The following PLCXD3 variants were observed in gnomAD, a reference collection of about 807,000 sequenced individuals.
The protein encoded by PLCXD3 is PI-PLC X domain-containing protein 3.
A neutral mutation model predicts 25.5 loss-of-function variants in PLCXD3; 19 were observed. The observed-to-expected ratio is 0.75, with a 90% CI of 0.52 to 1.09. The LOEUF (loss-of-function observed/expected upper bound fraction) is 1.09, where lower values mean the gene tolerates loss of function less well. PLCXD3 is among the 50% of genes least tolerant of loss of function. PLCXD3 has a pLI of 0.00. For synonymous variants in PLCXD3, 174 were observed against 137.6 expected (o/e 1.26, Z -1.85); for missense variants, 411 against 388.1 (o/e 1.06, Z -0.50).
At chr5:41,429,090 G>T (rs1183113799) in intron 1 of PLCXD3, among the ~76,000 whole-genome samples, 2 of 152,022 alleles carry the variant, frequency 1.3e-5, no homozygotes, top group East Asian at 3.9e-4. Context: ...CAAACTTTGG[G>T]AGTACTAAAC....
At chr5:41,316,368 T>C (rs950647661) in intron 2 of PLCXD3, among the ~76,000 whole-genome samples, 3 of 152,198 alleles carry the variant, frequency 2.0e-5, no homozygotes, top group Admixed American at 2.0e-4. Context: ...ATCCAGGTAC[T>C]ACATCTTGGG....
intron 2 of PLCXD3, among the ~76,000 whole-genome samples, chr5:41,349,674 A>C (rs1265768040): frequency 1.3e-5 from 2 of 152,240 alleles, no homozygotes; most frequent in Non-Finnish European, 2.9e-5. Context: ...TTTAAATAAC[A>C]CTTCAAAATC....
At position 41,335,952 on chromosome 5, in the gene PLCXD3, C is replaced by T. The variant is rs118053852; in HGVS notation, c.813-22182G>A. Among the ~76,000 whole-genome samples the T allele has an allele frequency of 8.4e-4, 128 of 152,174 alleles. 1 individual carries two copies. The highest frequency in any genetic ancestry group is 6.8e-3 in the East Asian group (35 of 5,162). The stretch of plus-strand genomic sequence containing the variant: ...CATTCCAATTCTAAAGGAAATGTTC[C>T]GTGGACTCTCACAAATTCATGAGGC... On this transcript the variant is annotated intron_variant, in intron 2 of 2. Transcript: ENST00000377801.
intron 2 of PLCXD3, among the ~76,000 whole-genome samples, chr5:41,352,820 G>T (rs999030796): frequency 2.0e-5 from 3 of 152,192 alleles, no homozygotes; most frequent in South Asian, 2.1e-4. Flanking sequence ...TTTTCTAGGA[G>T]AGTTCTAAAG....
chr5:41,395,611 TAAC>T (rs762604964), intron 1 of PLCXD3, among the ~76,000 whole-genome samples: 47 of 151,780 alleles, frequency 3.1e-4, no homozygotes, highest in Non-Finnish European at 1.2e-4. Flanking sequence ...AAATTAGAAA[TAAC>T]AAAGGAAACA....
chr5:41,501,277 C>G (rs963929840), intron 1 of PLCXD3, among the ~76,000 whole-genome samples: 1 of 151,858 alleles, frequency 6.6e-6, no homozygotes, highest in African/African-American at 2.4e-5. Context: ...GCTTCAGTAT[C>G]GTTCACAATC....
At chr5:41,325,282 A>C (rs547078111) in intron 2 of PLCXD3, among the ~76,000 whole-genome samples, 1 of 152,340 alleles carries the variant, frequency 6.6e-6, no homozygotes, top group South Asian at 2.1e-4. Flanking sequence ...AGTCAATATG[A>C]TACCAGAGAC....
At chr5:41,369,407 A>C (rs1185872554) in intron 2 of PLCXD3, among the ~76,000 whole-genome samples, 1 of 152,152 alleles carries the variant, frequency 6.6e-6, no homozygotes, top group Non-Finnish European at 1.5e-5. Context: ...ACCTGAATTA[A>C]ACTCTTGAAA....
intron 1 of PLCXD3, among the ~76,000 whole-genome samples, chr5:41,400,944 A>C (rs926605643): frequency 6.6e-6 from 1 of 152,060 alleles, no homozygotes; most frequent in Non-Finnish European, 1.5e-5. Flanking sequence ...GTATCAAAAC[A>C]TCTCATGTAC....
intron 1 of PLCXD3, among the ~76,000 whole-genome samples, chr5:41,425,319 T>G (rs1746930196): frequency 6.6e-6 from 1 of 152,040 alleles, no homozygotes; most frequent in South Asian, 2.1e-4. Flanking sequence ...CTTTCTGGAA[T>G]AGACTTTCAG....
At chr5:41,506,709 CAG>C (rs1460186372) in intron 1 of PLCXD3, among the ~76,000 whole-genome samples, 2 of 152,172 alleles carry the variant, frequency 1.3e-5, no homozygotes, top group Non-Finnish European at 2.9e-5. Flanking sequence ...AACAGAGACT[CAG>C]AGCTGTTTAA....
intron 2 of PLCXD3, among the ~76,000 whole-genome samples, chr5:41,355,516 C>G (rs566574004): frequency 2.0e-5 from 3 of 152,172 alleles, no homozygotes; most frequent in Non-Finnish European, 2.9e-5. Flanking sequence ...ACTCAGTCAG[C>G]CATCAGTTGT....
chr5:41,373,683 C>CTCTTCT (rs150957264), intron 2 of PLCXD3, among the ~76,000 whole-genome samples: 1 of 151,840 alleles, frequency 6.6e-6, no homozygotes, highest in African/African-American at 2.4e-5. Flanking sequence ...CCCCCTTTTC[C>CTCTTCT]TCTTCTTCTT....
At chr5:41,471,716 C>A (rs1228324449) in intron 1 of PLCXD3, among the ~76,000 whole-genome samples, 1 of 151,992 alleles carries the variant, frequency 6.6e-6, no homozygotes, top group Non-Finnish European at 1.5e-5. Context: ...AAACTACTGT[C>A]ATCTTACATA....
intron 1 of PLCXD3, among the ~76,000 whole-genome samples, chr5:41,504,718 A>C (rs1561293163): frequency 6.6e-6 from 1 of 152,216 alleles, no homozygotes; most frequent in Non-Finnish European, 1.5e-5. Context: ...CAAAGGTGAC[A>C]ACTCTCCAAA....
At chr5:41,354,476 G>A (rs1424463188) in intron 2 of PLCXD3, among the ~76,000 whole-genome samples, 1 of 151,594 alleles carries the variant, frequency 6.6e-6, no homozygotes, top group Non-Finnish European at 1.5e-5. Context: ...CAAGCCAATT[G>A]TTCAACTCCT....
At chr5:41,342,006 T>C (rs1744166432) in intron 2 of PLCXD3, among the ~76,000 whole-genome samples, 1 of 152,176 alleles carries the variant, frequency 6.6e-6, no homozygotes, top group South Asian at 2.1e-4. Flanking sequence ...GACTGGATCA[T>C]ACGGCTGTGA....
rs527240104 is a variant in PLCXD3 at position 41,434,770 on chromosome 5, G to C, written c.104-52236C>G. The stretch of plus-strand genomic sequence containing the variant: ...AGAAAAGTGGGAAACACATGAATAA[G>C]ACTTGGGTGCAAGTGAGCCTGGTGA... On this transcript the variant is annotated intron_variant, in intron 1 of 2. Coordinates refer to ENST00000377801, the MANE Select transcript of PLCXD3 (RefSeq NM_001005473.3). Among the ~76,000 whole-genome samples, 9 of 152,254 alleles carry C rather than the reference G, an allele frequency of 5.9e-5. No individual in the cohort carries two copies. In the South Asian group the frequency reaches 1.7e-3, roughly 28 times the overall value.
intron 1 of PLCXD3, among the ~76,000 whole-genome samples, chr5:41,431,389 T>G (rs1747097844): frequency 6.6e-6 from 1 of 152,234 alleles, no homozygotes; most frequent in African/African-American, 2.4e-5. Context: ...TTTTTGATAT[T>G]TTGACTTACA....
Sources: allele counts gnomAD v4.1 joint callset (sites outside exome capture counted in the v4.1 genomes callset), GRCh38; gene constraint gnomAD v4.1.1; transcripts MANE v1.5; gene names NCBI Gene and HGNC (gene_info 2026-07-23, HGNC 2026-07-21).